EHMT1: variants seen among roughly 807,000 people sequenced by gnomAD.
EHMT1 encodes the protein histone-lysine N-methyltransferase EHMT1.
EHMT1 carries 15 observed loss-of-function variants against 147.2 expected under a neutral mutation model. The ratio of observed to expected loss-of-function variants is 0.10; its 90% confidence interval spans 0.07 to 0.16. EHMT1 has a LOEUF of 0.16. Among genes scored for constraint, EHMT1 ranks in the 10% least tolerant of loss-of-function variants. The probability of loss-of-function intolerance (pLI) is 1.00; values close to 1 mark genes in which losing one functional copy is unlikely to be tolerated. For missense variants in EHMT1, 1,587 were observed against 1,772.4 expected (o/e 0.90, Z 1.88); for synonymous variants, 795 against 709.6 (o/e 1.12, Z -1.91).
At chr9:137,745,436 TA>T (rs1948460819) in intron 6 of EHMT1, 1 of 398,410 alleles carries the variant, frequency 2.5e-6, no homozygotes, top group Non-Finnish European at 4.4e-6. Context: ...TTTTTTATTT[TA>T]AGATAATTAT....
chr9:137,738,299 T>C (rs1246513557), intron 4 of EHMT1, among the ~76,000 whole-genome samples: 1 of 151,722 alleles, frequency 6.6e-6, no homozygotes, highest in Non-Finnish European at 1.5e-5. Context: ...AGTAAGCCCA[T>C]GAAAAGATGC....
At chr9:137,630,365 C>T (rs1046779060) in intron 1 of EHMT1, among the ~76,000 whole-genome samples, 13 of 152,180 alleles carry the variant, frequency 8.5e-5, no homozygotes, top group Admixed American at 5.2e-4. Context: ...ACAATTGCTG[C>T]GGCCACATGT....
intron 1 of EHMT1, among the ~76,000 whole-genome samples, chr9:137,688,937 G>A (rs189138910): frequency 6.6e-6 from 1 of 152,266 alleles, no homozygotes; most frequent in African/African-American, 2.4e-5. Context: ...TTGTACAAGA[G>A]GAAGTGACTG....
intron 13 of EHMT1, among the ~76,000 whole-genome samples, chr9:137,778,380 C>G (rs113852229): frequency 2.2e-4 from 34 of 152,360 alleles, no homozygotes; most frequent in African/African-American, 7.9e-4. Context: ...GCCTTGACTC[C>G]GTTTCCCTCC....
intron 1 of EHMT1, among the ~76,000 whole-genome samples, chr9:137,684,221 C>T (rs551672033): frequency 4.6e-5 from 7 of 151,926 alleles, no homozygotes; most frequent in Middle Eastern, 3.4e-3. Flanking sequence ...TTTGTAGAGA[C>T]GAGGTTTTGC....
At chr9:137,718,499 A>T (rs1398289646) in intron 3 of EHMT1, among the ~76,000 whole-genome samples, 2 of 152,138 alleles carry the variant, frequency 1.3e-5, no homozygotes, top group Non-Finnish European at 2.9e-5. Flanking sequence ...CAGCCCTGTC[A>T]ATTGGAGGAT....
chr9:137,819,654 G>A lies in EHMT1; in HGVS notation c.3540+1516G>A, dbSNP rs1270779387. Among the ~76,000 whole-genome samples the A allele has an allele frequency of 4.4e-4, 7 of 16,072 alleles. 1 individual carries two copies. The highest frequency in any genetic ancestry group is 0.021 in the East Asian group (2 of 94). The allele number at this position is 16,072 out of a possible 152,430, so 10.5% of individuals were successfully genotyped here. On this transcript the variant is annotated intron_variant, in intron 25 of 26. Transcript: ENST00000460843. ...GTACCGAGACTGTAGAGAGGCTGAG[G>A]GGGGGGGCGCCGTGTGCCGAGACTG... is the stretch of plus-strand genomic sequence containing the variant.
intron 5 of EHMT1, 106 bp from the exon 6 acceptor site, chr9:137,743,796 C>A (rs927994243): frequency 3.6e-6 from 5 of 1,383,082 alleles, no homozygotes; most frequent in Non-Finnish European, 4.9e-6. Flanking sequence ...CCCGCCTCCC[C>A]ACAGGCCCTT....
chr9:137,728,318 GT>G (rs1443348893), intron 3 of EHMT1, 30 bp from the exon 4 acceptor site: 2 of 1,614,098 alleles, frequency 1.2e-6, no homozygotes, highest in Admixed American at 3.3e-5. Flanking sequence ...TGCTTATGCA[GT>G]TATAGTTATT....
At chr9:137,817,250 C>A (rs1954991448) in intron 23 of EHMT1, 189 bp from the exon 24 acceptor site, 6 of 676,948 alleles carry the variant, frequency 8.9e-6, no homozygotes, top group Non-Finnish European at 1.0e-5. Context: ...CCTGGCTGAT[C>A]CCCGGGTTCT....
At chr9:137,771,390 G>A (rs1300754202) in intron 10 of EHMT1, among the ~76,000 whole-genome samples, 4 of 151,862 alleles carry the variant, frequency 2.6e-5, no homozygotes, top group Admixed American at 2.0e-4. Flanking sequence ...TAATAGAGAC[G>A]GAGTTTCCCT....
At chr9:137,760,741 G>A (rs773318295) in intron 9 of EHMT1, among the ~76,000 whole-genome samples, 5 of 152,220 alleles carry the variant, frequency 3.3e-5, no homozygotes, top group African/African-American at 7.2e-5. Context: ...CTGGCAGGGC[G>A]GCTCAGGCCT....
At chr9:137,698,355 G>C (rs1032602772) in intron 1 of EHMT1, among the ~76,000 whole-genome samples, 4 of 152,198 alleles carry the variant, frequency 2.6e-5, no homozygotes, top group African/African-American at 7.2e-5. Flanking sequence ...TTCACCTCAT[G>C]GTGGTATTGA....
At chr9:137,801,777 T>C (rs1283951379) in intron 18 of EHMT1, among the ~76,000 whole-genome samples, 2 of 151,908 alleles carry the variant, frequency 1.3e-5, no homozygotes, top group Non-Finnish European at 2.9e-5. Context: ...GGATTACAGG[T>C]GTGAGCCACT....
At chr9:137,833,362 A>G (rs958280665) in intron 25 of EHMT1, among the ~76,000 whole-genome samples, 3 of 152,284 alleles carry the variant, frequency 2.0e-5, no homozygotes, top group Admixed American at 2.0e-4. Flanking sequence ...CATGGCGGCC[A>G]CCCACTCGGC....
chr9:137,730,701 G>A (rs745421188), intron 4 of EHMT1, among the ~76,000 whole-genome samples: 3 of 152,228 alleles, frequency 2.0e-5, no homozygotes, highest in Non-Finnish European at 4.4e-5. Flanking sequence ...AGTTTGTCCA[G>A]TGGGGTCCCC....
intron 1 of EHMT1, among the ~76,000 whole-genome samples, chr9:137,679,401 C>T (rs1457640229): frequency 1.3e-5 from 2 of 152,148 alleles, no homozygotes; most frequent in African/African-American, 2.4e-5. Context: ...GGATACATCT[C>T]GGGTGGTCCT....
rs922816936 is a variant in EHMT1 at position 137,776,535 on chromosome 9, C to T, written c.1792-83C>T. 23 of 1,387,276 alleles carry T rather than the reference C, an allele frequency of 1.7e-5. No homozygotes were observed. The highest frequency in any genetic ancestry group is 1.0e-4 in the African/African-American group (7 of 69,456). The allele number at this position is 1,387,276 out of a possible 1,614,324, so 85.9% of individuals were successfully genotyped here. On this transcript the variant is annotated intron_variant, in intron 11 of 26. Transcript: ENST00000460843. This position sits in a 1 kb window ranked among gnomAD's most constrained non-coding sequence, Gnocchi z 4.4. The stretch of plus-strand genomic sequence containing the variant: ...TCTGCAGACCGCCCGATGTGGGATG[C>T]GGTGCCAGTTTAGTAGTACTTTATT...
intron 2 of EHMT1, among the ~76,000 whole-genome samples, chr9:137,713,397 G>C (rs1944922199): frequency 6.6e-6 from 1 of 150,780 alleles, no homozygotes; most frequent in African/African-American, 2.4e-5. Flanking sequence ...AGCCTCACGA[G>C]TAGCTGGGAA....
Sources: allele counts gnomAD v4.1 joint callset (sites outside exome capture counted in the v4.1 genomes callset), GRCh38; gene constraint gnomAD v4.1.1; non-coding constraint Gnocchi (gnomAD v3.1); transcripts MANE v1.5; gene names NCBI Gene and HGNC (gene_info 2026-07-23, HGNC 2026-07-21).